Variants in ADGRL3 observed in about 807,000 individuals in gnomAD.
The protein encoded by ADGRL3 is calcium-independent alpha-latrotoxin receptor 3.
ADGRL3 carries 62 observed loss-of-function variants against 153.5 expected under a neutral mutation model. The ratio of observed to expected loss-of-function variants is 0.40; its 90% confidence interval spans 0.33 to 0.50. The LOEUF (loss-of-function observed/expected upper bound fraction) is 0.50. ADGRL3 is among the 20% of genes least tolerant of loss of function. ADGRL3 has a pLI of 0.47. For missense variants in ADGRL3, 1,641 were observed against 1,859.4 expected, an observed-to-expected ratio of 0.88 and a Z score of 2.16; for synonymous variants, 710 against 672.5, an observed-to-expected ratio of 1.06 and a Z score of -0.86.
chr4:61,862,154 T>C (rs2098347033), intron 9 of ADGRL3, among the ~76,000 whole-genome samples: 1 of 152,158 alleles, frequency 6.6e-6, no homozygotes, highest in Non-Finnish European at 1.5e-5. Context: ...TGATAAAACT[T>C]CTTTGTTTCC....
At chr4:61,623,792 C>G (rs915178549) in intron 5 of ADGRL3, among the ~76,000 whole-genome samples, 1 of 152,064 alleles carries the variant, frequency 6.6e-6, no homozygotes, top group Non-Finnish European at 1.5e-5. Flanking sequence ...GAAAGCTAAC[C>G]GTGTTACATA....
chr4:61,616,192 T>C (rs573568640), intron 5 of ADGRL3, among the ~76,000 whole-genome samples: 1 of 152,302 alleles, frequency 6.6e-6, no homozygotes, highest in African/African-American at 2.4e-5. Flanking sequence ...AAATGGTAGT[T>C]ATATAATTGC....
intron 1 of ADGRL3, among the ~76,000 whole-genome samples, chr4:61,366,516 T>G (rs2096400055): frequency 6.6e-6 from 1 of 152,204 alleles, no homozygotes; most frequent in African/African-American, 2.4e-5. Flanking sequence ...TTGGACCAAA[T>G]CCATTTTGCC....
At position 61,239,486 on chromosome 4, in the gene ADGRL3, A is replaced by G. The variant is rs1042542499; in HGVS notation, c.-240+37721A>G. 4.6e-5 allele frequency among the ~76,000 whole-genome samples: 7 copies of G among 152,058 alleles called. No individual in the cohort carries two copies. The South Asian group carries it at 1.0e-3, about 22-fold the overall frequency. ...ATAGCCCTAAAGTAAATGCATTTGC[A>G]TTTGTTACTATGGATGTTACTCTCC... On this transcript the variant is annotated intron_variant, in intron 1 of 26. Transcript: ENST00000683033.
At chr4:61,621,337 G>A (rs753198781) in intron 5 of ADGRL3, among the ~76,000 whole-genome samples, 1 of 152,072 alleles carries the variant, frequency 6.6e-6, no homozygotes, top group Non-Finnish European at 1.5e-5. Context: ...CAACAATGGT[G>A]ATAAATACAA....
At chr4:61,408,188 T>C (rs1409942926) in intron 2 of ADGRL3, among the ~76,000 whole-genome samples, 2 of 151,862 alleles carry the variant, frequency 1.3e-5, no homozygotes, top group Non-Finnish European at 2.9e-5. Flanking sequence ...TTCTGCAAGG[T>C]TTTTTTTAAA....
At chr4:61,340,378 A>T (rs2095783205) in intron 1 of ADGRL3, among the ~76,000 whole-genome samples, 1 of 150,550 alleles carries the variant, frequency 6.6e-6, no homozygotes, top group African/African-American at 2.4e-5. Context: ...AAGATTTATA[A>T]CTTGTCTTAC....
intron 2 of ADGRL3, among the ~76,000 whole-genome samples, chr4:61,422,683 C>G (rs1483049745): frequency 6.6e-6 from 1 of 151,800 alleles, no homozygotes; most frequent in Non-Finnish European, 1.5e-5. Flanking sequence ...TTAGTAACAC[C>G]CTGCTTGGGG....
At chr4:61,628,357 A>G (rs1206214261) in intron 5 of ADGRL3, among the ~76,000 whole-genome samples, 1 of 152,150 alleles carries the variant, frequency 6.6e-6, no homozygotes, top group East Asian at 1.9e-4. Flanking sequence ...GGTCCTATCT[A>G]CTGCTGACAG....
At chr4:61,237,812 G>T (rs1299862072) in intron 1 of ADGRL3, among the ~76,000 whole-genome samples, 1 of 152,132 alleles carries the variant, frequency 6.6e-6, no homozygotes, top group African/African-American at 2.4e-5. Context: ...CCTTTTAGGA[G>T]CCAGGTGATA....
rs1047997061 is a variant in ADGRL3, at chr4:61,386,150, C to T, written c.-174+2961C>T. Among the ~76,000 whole-genome samples the T allele has an allele frequency of 3.9e-5, 6 of 152,208 alleles. No homozygotes were observed. The South Asian group carries it at 6.2e-4, about 16-fold the overall frequency. ...AAATGAGTCCTCACATCTAGAAAATCGCTTTTATGTAGCCCTAACGTCAAA... is the reference window on the plus strand; with the variant it reads ...AAATGAGTCCTCACATCTAGAAAATTGCTTTTATGTAGCCCTAACGTCAAA... On this transcript the variant is annotated intron_variant, in intron 2 of 26. Coordinates refer to ENST00000683033, the MANE Select transcript of ADGRL3 (RefSeq NM_001387552.1).
intron 1 of ADGRL3, among the ~76,000 whole-genome samples, chr4:61,244,722 G>C (rs1329489931): frequency 6.6e-6 from 1 of 151,890 alleles, no homozygotes; most frequent in Non-Finnish European, 1.5e-5. Context: ...ATGGACTCTG[G>C]CAAAAATAGG....
intron 1 of ADGRL3, among the ~76,000 whole-genome samples, chr4:61,346,012 A>C (rs2095894845): frequency 6.6e-6 from 1 of 152,182 alleles, no homozygotes; most frequent in Non-Finnish European, 1.5e-5. Context: ...TCAAGGGCTT[A>C]GTACATTCGA....
At chr4:61,551,392 T>G (rs1201227256) in intron 4 of ADGRL3, among the ~76,000 whole-genome samples, 4 of 152,150 alleles carry the variant, frequency 2.6e-5, no homozygotes, top group African/African-American at 9.7e-5. Flanking sequence ...TAAAAAGTCA[T>G]GACACTGTGG....
chr4:61,806,557 T>G (rs2097554942), intron 8 of ADGRL3, among the ~76,000 whole-genome samples: 1 of 152,062 alleles, frequency 6.6e-6, no homozygotes, highest in African/African-American at 2.4e-5. Context: ...TTATAAGTAT[T>G]AAATACATTT....
intron 11 of ADGRL3, among the ~76,000 whole-genome samples, chr4:61,908,821 T>A (rs2098708699): frequency 6.6e-6 from 1 of 152,198 alleles, no homozygotes; most frequent in Non-Finnish European, 1.5e-5. Flanking sequence ...CTCATGACTT[T>A]CTTACCAATT....
rs1384175303 is a variant in ADGRL3, at chr4:62,074,485, T to A, written c.*3577T>A. ...ATAAATATTTGCGGCAAAGTCCAAA[T>A]TTTGTGAAGGAGAAATTGGTTGGAA... is the stretch of plus-strand genomic sequence containing the variant. On this transcript the variant is annotated 3_prime_UTR_variant, in exon 27 of 27. Coordinates refer to ENST00000683033, the MANE Select transcript of ADGRL3 (RefSeq NM_001387552.1). 6.6e-6 allele frequency: 1 copy of A among 152,114 alleles called. No individual in the cohort carries two copies. Among genetic ancestry groups the A allele is most frequent in the East Asian group, 1.9e-4 (1 of 5,188 alleles). The allele number at this position is 152,114 out of a possible 1,614,324, so 9.4% of individuals were successfully genotyped here. A position where few individuals can be genotyped will look rare whatever the true frequency, so the allele number is the denominator to read the frequency against.
intron 2 of ADGRL3, among the ~76,000 whole-genome samples, chr4:61,435,828 A>G (rs943083172): frequency 5.9e-5 from 9 of 152,212 alleles, no homozygotes; most frequent in African/African-American, 2.2e-4. Context: ...TTATTTGGTT[A>G]TTTGGGGAAG....
At chr4:62,002,842 T>C (rs1193831652) in intron 21 of ADGRL3, among the ~76,000 whole-genome samples, 1 of 152,112 alleles carries the variant, frequency 6.6e-6, no homozygotes, top group Non-Finnish European at 1.5e-5. Flanking sequence ...TTAAAAATAG[T>C]ATATGTAAAT....
Sources: gnomAD v4.1 joint callset for allele counts (sites outside exome capture counted in the v4.1 genomes callset) on GRCh38, gnomAD v4.1.1 for gene constraint, MANE v1.5 for transcripts, NCBI Gene and HGNC (gene_info 2026-07-23, HGNC 2026-07-21) for gene names.